DOP1B: variants seen among roughly 807,000 people sequenced by gnomAD.
The protein encoded by DOP1B is protein DOP1B.
In DOP1B, 174 loss-of-function variants were observed where a neutral mutation model predicts 233.5. That is an observed-to-expected ratio of 0.75 (90% confidence interval 0.66 to 0.85). The LOEUF is 0.85. Ranked by LOEUF, DOP1B falls within the 40% of genes least tolerant of loss-of-function variation. The pLI is 0.00. For synonymous variants in DOP1B, 1,190 were observed against 1,185.6 expected (o/e 1.00, Z -0.08); for missense variants, 2,652 against 2,846.6 (o/e 0.93, Z 1.56).
chr21:36,249,037 G>A (rs541654901), intron 21 of DOP1B, among the ~76,000 whole-genome samples: 9 of 151,872 alleles, frequency 5.9e-5, no homozygotes, highest in Non-Finnish European at 1.0e-4. Flanking sequence ...CCTGGGAGGC[G>A]GAGGTTGCAG....
intron 30 of DOP1B, 151 bp downstream of exon 30, chr21:36,278,506 C>T: frequency 1.4e-6 from 1 of 726,084 alleles, no homozygotes; most frequent in Non-Finnish European, 2.2e-6. Flanking sequence ...GCATGTTGAC[C>T]ATGTGTTCAT....
chr21:36,231,798 T>C (rs2066768581), intron 14 of DOP1B, among the ~76,000 whole-genome samples: 1 of 148,478 alleles, frequency 6.7e-6, no homozygotes, highest in African/African-American at 2.5e-5. Flanking sequence ...CTGCCTCAGC[T>C]TCCCCAGTAG....
chr21:36,228,495 G>A (rs141987888), intron 13 of DOP1B, among the ~76,000 whole-genome samples: 8,874 of 151,504 alleles, frequency 0.059, 555 homozygotes, highest in African/African-American at 0.16. Context: ...GGCTGGGCGC[G>A]GTGGCTCACG....
At chr21:36,236,751 T>C (rs1024565737) in intron 15 of DOP1B, among the ~76,000 whole-genome samples, 1 of 150,696 alleles carries the variant, frequency 6.6e-6, no homozygotes, top group Non-Finnish European at 1.5e-5. Context: ...GGGTTTTTCC[T>C]TTTTTTCTTT....
Position 36,270,552 on chromosome 21 carries a change from CAAAAAAA to C in DOP1B, c.5632+415_5632+421del, listed in dbSNP as rs398040600. Among the ~76,000 whole-genome samples the C allele has an allele frequency of 2.1e-3, 76 of 36,832 alleles. 1 individual carries two copies. The highest frequency in any genetic ancestry group is 3.0e-3 in the East Asian group (3 of 1,002). 24.2% of individuals were successfully genotyped at this position (36,832 alleles called of 152,430 possible). A position where few individuals can be genotyped will look rare whatever the true frequency, so the allele number is the denominator to read the frequency against. On this transcript the variant is annotated intron_variant, in intron 27 of 36. Transcript: ENST00000691173. ...CAGGCGACAAAGCAAGACTCCGTCTCAAAAAAAAAAAAAAAAAAAAAAAAAAGTATTT... is the reference window on the plus strand; with the variant it reads ...CAGGCGACAAAGCAAGACTCCGTCTCAAAAAAAAAAAAAAAAAAAGTATTT...
intron 2 of DOP1B, among the ~76,000 whole-genome samples, chr21:36,173,424 CT>C (rs11284211): frequency 0.36 from 50,549 of 139,482 alleles, 8,719 homozygotes; most frequent in South Asian, 0.49. Flanking sequence ...AATAGTTTAT[CT>C]TTTTTTTTTT....
chr21:36,273,374 T>C (rs1601471559), intron 27 of DOP1B, among the ~76,000 whole-genome samples: 1 of 151,772 alleles, frequency 6.6e-6, no homozygotes, highest in African/African-American at 2.4e-5. Flanking sequence ...GCCACTGCAC[T>C]CCAGTCTGGG....
At chr21:36,252,335 A>G (rs541584377) in intron 22 of DOP1B, among the ~76,000 whole-genome samples, 1 of 151,816 alleles carries the variant, frequency 6.6e-6, no homozygotes, top group East Asian at 1.9e-4. Context: ...GTATGCGCCT[A>G]TAGTCCTAGT....
Position 36,227,728 on chromosome 21 carries a change from C to A in DOP1B, c.1516C>A (p.Leu506Ile). The A allele has an allele frequency of 6.2e-7, 1 of 1,604,296 alleles. No homozygotes were observed. The highest frequency in any genetic ancestry group is 8.5e-7 in the Non-Finnish European group (1 of 1,173,436). The change falls in exon 13 of 37, where the codon CTC becomes ATC. Residue 506 changes from leucine (L) to isoleucine (I), a missense_variant. Around this residue, in one of 3 missense-constraint regions of DOP1B, gnomAD observed 2,617 missense variants for 2,794.3 expected, o/e 0.94. Coordinates refer to ENST00000691173, the MANE Select transcript of DOP1B (RefSeq NM_001320714.2). ...GCAAACCCAGTATCTCCCTCAGGTG[C>A]TCGGCTGCCTGGTGCAGCCTCTTGC... is the stretch of plus-strand genomic sequence containing the variant. Reference protein sequence around the residue: ...EVQTQYLPQVLGCLVQPLAED... With the variant: ...EVQTQYLPQVIGCLVQPLAED...
At position 36,178,964 on chromosome 21, in the gene DOP1B, C is replaced by T. The variant is rs77165730; in HGVS notation, c.138+14093C>T. Among the ~76,000 whole-genome samples the T allele has an allele frequency of 3.4e-3, 522 of 152,320 alleles. 6 individuals carry two copies. In the East Asian group the frequency reaches 0.042, roughly 12 times the overall value. ...TTCCTCCTGTCCTTTTGTCGTCTCC[C>T]TCCCTCCCTTGTCCCCAGACAACCA... On this transcript the variant is annotated intron_variant, in intron 2 of 36. Coordinates refer to ENST00000691173, the MANE Select transcript of DOP1B (RefSeq NM_001320714.2).
At chr21:36,249,518 A>G (rs1381236318) in intron 21 of DOP1B, among the ~76,000 whole-genome samples, 2 of 152,188 alleles carry the variant, frequency 1.3e-5, no homozygotes, top group Non-Finnish European at 2.9e-5. Flanking sequence ...TCTCTAAAGC[A>G]TTTCTGCGAG....
chr21:36,208,337 T>A (rs2066452346), intron 4 of DOP1B, among the ~76,000 whole-genome samples: 1 of 152,234 alleles, frequency 6.6e-6, no homozygotes, highest in South Asian at 2.1e-4. Flanking sequence ...CCTTCCGCTT[T>A]TCTGTGAAGT....
chr21:36,193,409 G>T (rs1413697331), intron 2 of DOP1B, among the ~76,000 whole-genome samples: 1 of 152,126 alleles, frequency 6.6e-6, no homozygotes. Context: ...GTTCTTCTTG[G>T]TGCCTCTGGG....
chr21:36,157,268 G>T (rs2065828316), intron 1 of DOP1B, among the ~76,000 whole-genome samples: 1 of 152,072 alleles, frequency 6.6e-6, no homozygotes, highest in Non-Finnish European at 1.5e-5. Flanking sequence ...GGGGCGGCAG[G>T]TGCAGGTCCA....
Position 36,245,289 on chromosome 21 carries a change from C to T in DOP1B, c.3309C>T (p.Ala1103=). 6.2e-7 allele frequency: 1 copy of T among 1,614,108 alleles called. No individual in the cohort carries two copies. Among genetic ancestry groups the T allele is most frequent in the Non-Finnish European group, 8.5e-7 (1 of 1,180,036 alleles). The change falls in exon 19 of 37, where the codon GCC becomes GCT. Residue 1103 remains alanine, a synonymous_variant. Coordinates refer to ENST00000691173, the MANE Select transcript of DOP1B (RefSeq NM_001320714.2). This position sits in a 1 kb window ranked among gnomAD's most constrained non-coding sequence, Gnocchi z 5.5. ...TTCCAGACAGGACGGCCCACGGCGC[C>T]CCGGACAGCAGCGAGCACACCGAGT... ...VELPDRTAHG[A]PDSSEHTESA... is the part of the protein sequence containing the mutation.
At chr21:36,228,249 A>C (rs1461061523) in intron 13 of DOP1B, among the ~76,000 whole-genome samples, 1 of 151,796 alleles carries the variant, frequency 6.6e-6, no homozygotes, top group Non-Finnish European at 1.5e-5. Context: ...GATCTCCTGA[A>C]GTCAGGAATT....
intron 27 of DOP1B, among the ~76,000 whole-genome samples, chr21:36,271,468 C>T (rs2067289030): frequency 6.6e-6 from 1 of 152,046 alleles, no homozygotes; most frequent in Non-Finnish European, 1.5e-5. Flanking sequence ...GACAGCGTTT[C>T]ACCATGTTGG....
intron 35 of DOP1B, among the ~76,000 whole-genome samples, chr21:36,291,387 C>G (rs904504012): frequency 6.6e-6 from 1 of 151,906 alleles, no homozygotes; most frequent in Admixed American, 6.6e-5. Context: ...GGTGAAACCC[C>G]GTCTCTACTA....
At chr21:36,167,479 A>G (rs2065923606) in intron 2 of DOP1B, among the ~76,000 whole-genome samples, 1 of 152,166 alleles carries the variant, frequency 6.6e-6, no homozygotes, top group Non-Finnish European at 1.5e-5. Flanking sequence ...CCAGCCGAAC[A>G]GCATATTTAT....
Sources: gnomAD v4.1 joint callset for allele counts (sites outside exome capture counted in the v4.1 genomes callset) on GRCh38, gnomAD v4.1.1 for gene constraint, gnomAD v4.1.1 regional missense constraint, Gnocchi (gnomAD v3.1) non-coding constraint, MANE v1.5 for transcripts, NCBI Gene and HGNC (gene_info 2026-07-23, HGNC 2026-07-21) for gene names.